The following KDM4C variants were observed in gnomAD, a reference collection of about 807,000 sequenced individuals.
KDM4C encodes the protein lysine-specific demethylase 4C.
KDM4C carries 81 observed loss-of-function variants against 129.3 expected under a neutral mutation model. The ratio of observed to expected loss-of-function variants is 0.63; its 90% CI spans 0.52 to 0.75. The LOEUF is 0.75. Ranked by LOEUF, KDM4C falls within the 30% of genes least tolerant of loss-of-function variation. The probability of loss-of-function intolerance (pLI) is 0.00; values close to 1 mark genes in which losing one functional copy is unlikely to be tolerated. For missense variants in KDM4C, 1,457 were observed against 1,304.0 expected, an observed-to-expected ratio of 1.12 and a Z score of -1.81; for synonymous variants, 573 against 456.1, an observed-to-expected ratio of 1.26 and a Z score of -3.26.
intron 1 of KDM4C, among the ~76,000 whole-genome samples, chr9:6,789,066 CAG>C (rs1350674524): frequency 2.1e-5 from 3 of 139,612 alleles, no homozygotes; most frequent in Non-Finnish European, 4.7e-5. Flanking sequence ...TTTTTTGAAA[CAG>C]GGTCCCACTC....
At chr9:7,120,134 A>C (rs746660073) in intron 18 of KDM4C, among the ~76,000 whole-genome samples, 5 of 151,582 alleles carry the variant, frequency 3.3e-5, no homozygotes, top group Non-Finnish European at 7.4e-5. Context: ...ACTGCTGTAG[A>C]ATGCTCATCA....
chr9:6,973,072 G>A (rs1384570609), intron 8 of KDM4C, among the ~76,000 whole-genome samples: 1 of 152,210 alleles, frequency 6.6e-6, no homozygotes, highest in African/African-American at 2.4e-5. Flanking sequence ...CTGAGATGGT[G>A]AATTATTTAC....
intron 12 of KDM4C, among the ~76,000 whole-genome samples, chr9:6,998,645 A>G (rs1157805816): frequency 2.0e-5 from 3 of 152,114 alleles, no homozygotes; most frequent in African/African-American, 7.2e-5. Flanking sequence ...AAAATACAAA[A>G]ATTAGCTGAG....
At chr9:6,930,099 TG>T (rs985197017) in intron 8 of KDM4C, among the ~76,000 whole-genome samples, 1 of 152,192 alleles carries the variant, frequency 6.6e-6, no homozygotes, top group African/African-American at 2.4e-5. Context: ...ACACACTCCT[TG>T]GTGCTATGCT....
chr9:6,748,568 T>A, intron 1 of KDM4C: 1 of 519,512 alleles, frequency 1.9e-6, no homozygotes, highest in Non-Finnish European at 3.5e-6. Context: ...ATACAAACAA[T>A]CCCACAGCAT....
intron 4 of KDM4C, among the ~76,000 whole-genome samples, chr9:6,825,146 C>CAAAAAAAA (rs776343731): frequency 1.3e-5 from 1 of 79,952 alleles, no homozygotes; most frequent in Non-Finnish European, 2.6e-5. Flanking sequence ...AACTCGGTCT[C>CAAAAAAAA]AAAAAAAAAA....
At chr9:6,749,559 T>G (rs1232624278) in intron 1 of KDM4C, among the ~76,000 whole-genome samples, 2 of 151,900 alleles carry the variant, frequency 1.3e-5, no homozygotes, top group East Asian at 3.9e-4. Flanking sequence ...TCCCAGCTAC[T>G]TGGGAGGCTG....
At chr9:6,891,567 A>T (rs895729233) in intron 7 of KDM4C, among the ~76,000 whole-genome samples, 1 of 152,136 alleles carries the variant, frequency 6.6e-6, no homozygotes, top group Admixed American at 6.5e-5. Context: ...AGGTGATAAA[A>T]TGTTCTAAAA....
At chr9:6,844,295 T>C (rs187848809) in intron 4 of KDM4C, among the ~76,000 whole-genome samples, 1 of 152,328 alleles carries the variant, frequency 6.6e-6, no homozygotes, top group African/African-American at 2.4e-5. Context: ...TTATTTTTAG[T>C]GACATAATCA....
At chr9:7,115,576 C>T (rs1482043154) in intron 18 of KDM4C, among the ~76,000 whole-genome samples, 1 of 152,130 alleles carries the variant, frequency 6.6e-6, no homozygotes, top group East Asian at 1.9e-4. Flanking sequence ...GATGCCATAG[C>T]CGTAATGAAA....
At chr9:6,978,141 G>C (rs1833242671) in intron 8 of KDM4C, among the ~76,000 whole-genome samples, 2 of 152,138 alleles carry the variant, frequency 1.3e-5, no homozygotes, top group Non-Finnish European at 2.9e-5. Flanking sequence ...GTTACTCTCA[G>C]TTTTTCAGAT....
intron 8 of KDM4C, among the ~76,000 whole-genome samples, chr9:6,908,489 G>C (rs959636123): frequency 3.3e-5 from 5 of 152,166 alleles, no homozygotes; most frequent in Admixed American, 6.5e-5. Flanking sequence ...TGAGGCTTGA[G>C]TGGGGCACAG....
chr9:6,871,340 T>A (rs888509801), intron 5 of KDM4C, among the ~76,000 whole-genome samples: 2 of 152,234 alleles, frequency 1.3e-5, no homozygotes, highest in Non-Finnish European at 2.9e-5. Context: ...TATATCTGTT[T>A]ATGTTTAATT....
intron 18 of KDM4C, among the ~76,000 whole-genome samples, chr9:7,111,581 A>C (rs1838323614): frequency 6.6e-6 from 1 of 152,140 alleles, no homozygotes; most frequent in African/African-American, 2.4e-5. Context: ...AGGCAATCTG[A>C]CTCAGAGTCC....
At chr9:6,885,709 T>A (rs1845159098) in intron 6 of KDM4C, among the ~76,000 whole-genome samples, 1 of 152,136 alleles carries the variant, frequency 6.6e-6, no homozygotes. Context: ...ATGAACCATG[T>A]AGCCCTGCAG....
At chr9:6,936,711 A>T (rs1181326886) in intron 8 of KDM4C, among the ~76,000 whole-genome samples, 1 of 152,226 alleles carries the variant, frequency 6.6e-6, no homozygotes, top group Non-Finnish European at 1.5e-5. Context: ...TTTGGGAGGT[A>T]CATAGTGTAG....
At chr9:6,936,251 T>A (rs141686455) in intron 8 of KDM4C, among the ~76,000 whole-genome samples, 1,989 of 152,334 alleles carry the variant, frequency 0.013, 16 homozygotes, top group Non-Finnish European at 0.019. Flanking sequence ...GCTTACTAAA[T>A]GAGTGATTTT....
rs1184104107 is a variant in KDM4C at position 6,806,990 on chromosome 9, A to G, written c.320+1216A>G. ...ACTGCTGCCATCTCCGCTCACTGCA[A>G]CCTCCCTGCCTGATTCTCCTGCCTC... On this transcript the variant is annotated intron_variant, in intron 3 of 21. Coordinates refer to ENST00000381309, the MANE Select transcript of KDM4C (RefSeq NM_015061.6). 2.7e-5 allele frequency among the ~76,000 whole-genome samples: 4 copies of G among 150,902 alleles called. No individual in the cohort carries two copies. In the South Asian group the frequency reaches 8.4e-4, roughly 32 times the overall value.
At chr9:7,091,484 C>A (rs1430338553) in intron 17 of KDM4C, among the ~76,000 whole-genome samples, 1 of 152,030 alleles carries the variant, frequency 6.6e-6, no homozygotes, top group Non-Finnish European at 1.5e-5. Flanking sequence ...ATACACATCC[C>A]CTATACTTTA....
Sources: gnomAD v4.1 joint callset for allele counts (sites outside exome capture counted in the v4.1 genomes callset) on GRCh38, gnomAD v4.1.1 for gene constraint, MANE v1.5 for transcripts, NCBI Gene and HGNC (gene_info 2026-07-23, HGNC 2026-07-21) for gene names.